The following IFT52 variants were observed in gnomAD, a reference collection of about 807,000 sequenced individuals.
IFT52 encodes the protein intraflagellar transport protein 52 homolog.
IFT52 carries 44 observed loss-of-function variants against 54.4 expected under a neutral mutation model. The observed-to-expected ratio is 0.81, with a 90% CI of 0.63 to 1.04. IFT52 has a LOEUF of 1.04. IFT52 is among the 50% of genes least tolerant of loss of function. The pLI is 0.00. For synonymous variants in IFT52, 181 were observed against 185.3 expected (o/e 0.98, Z 0.19); for missense variants, 452 against 523.6 (o/e 0.86, Z 1.33).
At chr20:43,626,156 T>C (rs1037306279) in intron 10 of IFT52, among the ~76,000 whole-genome samples, 1 of 152,080 alleles carries the variant, frequency 6.6e-6, no homozygotes, top group Non-Finnish European at 1.5e-5. Flanking sequence ...TGATGTTTAG[T>C]AGCAGTTTTA....
chr20:43,637,757 G>A (rs974849543), intron 12 of IFT52, among the ~76,000 whole-genome samples: 2 of 152,128 alleles, frequency 1.3e-5, no homozygotes, highest in African/African-American at 4.8e-5. Flanking sequence ...TTAGTTCAGT[G>A]AATTAGAACA....
At chr20:43,608,214 T>A (rs1983131316) in intron 6 of IFT52, among the ~76,000 whole-genome samples, 1 of 152,008 alleles carries the variant, frequency 6.6e-6, no homozygotes, top group Non-Finnish European at 1.5e-5. Context: ...TAGGGTAAAT[T>A]TCTCAGCATT....
At chr20:43,615,975 G>T (rs1425140703) in intron 7 of IFT52, among the ~76,000 whole-genome samples, 1 of 152,048 alleles carries the variant, frequency 6.6e-6, no homozygotes, top group African/African-American at 2.4e-5. Context: ...AGGCACGGTG[G>T]CAGGCTTTGC....
intron 13 of IFT52, among the ~76,000 whole-genome samples, chr20:43,646,695 G>A (rs1450866708): frequency 1.3e-5 from 2 of 152,134 alleles, no homozygotes; most frequent in Non-Finnish European, 2.9e-5. Flanking sequence ...TTGCACCAGT[G>A]CTTTCAACTC....
chr20:43,639,120 T>C (rs768227894), intron 12 of IFT52, among the ~76,000 whole-genome samples: 5 of 151,156 alleles, frequency 3.3e-5, no homozygotes, highest in Middle Eastern at 3.2e-3. Context: ...AAAAAAGATA[T>C]AGATATTAAT....
chr20:43,629,086 A>G lies in IFT52; in HGVS notation c.923+5041A>G, dbSNP rs1046085345. Among the ~76,000 whole-genome samples the G allele has an allele frequency of 3.2e-4, 49 of 152,048 alleles. 1 individual carries two copies. Among genetic ancestry groups the G allele is most frequent in the Non-Finnish European group, 1.0e-4 (7 of 68,012 alleles). Reference sequence around the variant, plus strand: ...AGTGGGCCCAGACATGGATTTAACTATTGTGATTTTGTCAAGCAAGTAGTA... The same window carrying G: ...AGTGGGCCCAGACATGGATTTAACTGTTGTGATTTTGTCAAGCAAGTAGTA... On this transcript the variant is annotated intron_variant, in intron 10 of 13. Coordinates refer to ENST00000373030, the MANE Select transcript of IFT52 (RefSeq NM_016004.5).
chr20:43,630,740 G>A (rs1408316050), intron 10 of IFT52, among the ~76,000 whole-genome samples: 3 of 152,152 alleles, frequency 2.0e-5, no homozygotes, highest in Non-Finnish European at 4.4e-5. Flanking sequence ...GGCCATTCCC[G>A]AAAGATCTAG....
intron 10 of IFT52, among the ~76,000 whole-genome samples, chr20:43,634,183 A>C (rs1259704873): frequency 6.8e-6 from 1 of 148,082 alleles, no homozygotes; most frequent in Admixed American, 7.0e-5. Flanking sequence ...TCTCAAAGTA[A>C]GTGTTTAGAT....
At chr20:43,617,483 G>A (rs953075285) in intron 7 of IFT52, among the ~76,000 whole-genome samples, 13 of 151,210 alleles carry the variant, frequency 8.6e-5, no homozygotes, top group African/African-American at 2.2e-4. Flanking sequence ...TCACTCTGTC[G>A]CCCAGGCTGG....
At chr20:43,612,076 C>T (rs1319166986) in intron 6 of IFT52, among the ~76,000 whole-genome samples, 1 of 152,010 alleles carries the variant, frequency 6.6e-6, no homozygotes, top group Non-Finnish European at 1.5e-5. Flanking sequence ...TTTTATCTTG[C>T]TACTCAAGTG....
At chr20:43,603,460 C>A (rs1391342502) in intron 3 of IFT52, among the ~76,000 whole-genome samples, 1 of 152,048 alleles carries the variant, frequency 6.6e-6, no homozygotes, top group Non-Finnish European at 1.5e-5. Context: ...TAGGTGGAGA[C>A]CAGGGGTGCT....
chr20:43,610,538 C>G (rs1438730373), intron 6 of IFT52, among the ~76,000 whole-genome samples: 3 of 151,866 alleles, frequency 2.0e-5, no homozygotes, highest in Non-Finnish European at 4.4e-5. Flanking sequence ...TCAGGACCAT[C>G]CTGGATAACA....
At chr20:43,619,078 C>A (rs1600486665) in intron 8 of IFT52, 52 bp downstream of exon 8, 1 of 1,276,162 alleles carries the variant, frequency 7.8e-7, no homozygotes, top group Non-Finnish European at 1.1e-6. Context: ...ATTTTCATGT[C>A]ATTTAAAAAA....
rs575275615 is a variant in IFT52 at position 43,593,929 on chromosome 20, C to G, written c.-6-764C>G. ...CTGACAAAGAAAGATGTCAAATATA[C>G]AAGGTTAGGTGAAACAGGTGTTTCA... On this transcript the variant is annotated intron_variant, in intron 1 of 13. Coordinates refer to ENST00000373030, the MANE Select transcript of IFT52 (RefSeq NM_016004.5). Among the ~76,000 whole-genome samples, 33 of 151,582 alleles carry G rather than the reference C, an allele frequency of 2.2e-4. 1 individual carries two copies. Among genetic ancestry groups the G allele is most frequent in the African/African-American group, 7.7e-4 (32 of 41,400 alleles).
chr20:43,639,284 T>A (rs948586068), intron 12 of IFT52, among the ~76,000 whole-genome samples: 1 of 148,244 alleles, frequency 6.7e-6, no homozygotes, highest in African/African-American at 2.5e-5. Context: ...ATGCCTATAA[T>A]CTGAACACTT....
intron 12 of IFT52, 98 bp from the exon 13 acceptor site, chr20:43,642,381 G>T: frequency 9.1e-7 from 1 of 1,101,028 alleles, no homozygotes; most frequent in Non-Finnish European, 1.3e-6. Context: ...CTTAGGAAAT[G>T]TGGAAACATG....
At chr20:43,637,841 A>G (rs1985649771) in intron 12 of IFT52, among the ~76,000 whole-genome samples, 3 of 152,212 alleles carry the variant, frequency 2.0e-5, no homozygotes, top group African/African-American at 4.8e-5. Context: ...TTGAGAGACC[A>G]TAGAATTAAT....
rs1555802664 is a variant in IFT52, at chr20:43,609,962, A to AAATT, written c.486-3886_486-3885insTTAA. Among the ~76,000 whole-genome samples, 6 of 150,434 alleles carry AAATT rather than the reference A, an allele frequency of 4.0e-5. 1 individual carries two copies. The highest frequency in any genetic ancestry group is 9.8e-5 in the African/African-American group (4 of 40,928). On this transcript the variant is annotated intron_variant, in intron 6 of 13. Coordinates refer to ENST00000373030, the MANE Select transcript of IFT52 (RefSeq NM_016004.5). ...AGACTCCGTCTTGAAAAAATAAAATAAAATTAAATTAAATTAAATTAAATT... is the reference window on the plus strand; with the variant it reads ...AGACTCCGTCTTGAAAAAATAAAATAAATTAAATTAAATTAAATTAAATTAAATT...
intron 6 of IFT52, among the ~76,000 whole-genome samples, chr20:43,605,641 T>G (rs915549290): frequency 6.6e-6 from 1 of 152,220 alleles, no homozygotes; most frequent in African/African-American, 2.4e-5. Context: ...ATGACTGGAT[T>G]AAATTGGATA....
Sources: allele counts gnomAD v4.1 joint callset (sites outside exome capture counted in the v4.1 genomes callset), GRCh38; gene constraint gnomAD v4.1.1; transcripts MANE v1.5; gene names NCBI Gene and HGNC (gene_info 2026-07-23, HGNC 2026-07-21).